The following FGF14 variants were observed in gnomAD, a reference collection of about 807,000 sequenced individuals.
FGF14 encodes fibroblast growth factor 14.
Under a neutral mutation model 25.5 loss-of-function variants are expected in FGF14, and 5 were observed. The observed-to-expected ratio is 0.20, with a 90% confidence interval of 0.10 to 0.41. The LOEUF (loss-of-function observed/expected upper bound fraction) is 0.41, where lower values mean the gene tolerates loss of function less well. Ranked by LOEUF, FGF14 falls within the 10% of genes least tolerant of loss-of-function variation. The pLI, the probability that FGF14 is intolerant of heterozygous loss-of-function variation, is 1.00. For synonymous variants in FGF14, 138 were observed against 118.3 expected (o/e 1.17, Z -1.08); for missense variants, 222 against 320.1 (o/e 0.69, Z 2.34).
intron 1 of FGF14, among the ~76,000 whole-genome samples, chr13:102,158,681 A>T (rs1037333666): frequency 7.9e-5 from 12 of 152,088 alleles, no homozygotes; most frequent in Non-Finnish European, 1.2e-4. Flanking sequence ...AAAAAAAAAA[A>T]TCTTTGAACT....
intron 1 of FGF14, among the ~76,000 whole-genome samples, chr13:101,905,282 G>T (rs1409004168): frequency 1.3e-5 from 2 of 152,086 alleles, no homozygotes; most frequent in African/African-American, 4.8e-5. Flanking sequence ...ATTCACAACA[G>T]CAAAGACTTG....
intron 3 of FGF14, among the ~76,000 whole-genome samples, chr13:101,845,555 A>G (rs1366873108): frequency 6.6e-6 from 1 of 152,038 alleles, no homozygotes; most frequent in African/African-American, 2.4e-5. Flanking sequence ...ACACAGAGAT[A>G]TGACAGTGAA....
chr13:102,330,832 T>C (rs570914922), intron 1 of FGF14, among the ~76,000 whole-genome samples: 2 of 152,284 alleles, frequency 1.3e-5, no homozygotes, highest in South Asian at 4.1e-4. Context: ...ACTATCTGTC[T>C]CCCCTCTACA....
At chr13:102,356,578 G>A (rs2057422829) in intron 1 of FGF14, among the ~76,000 whole-genome samples, 1 of 152,136 alleles carries the variant, frequency 6.6e-6, no homozygotes, top group Non-Finnish European at 1.5e-5. Flanking sequence ...ATTTGCTAAA[G>A]ATCTGATGGT....
At chr13:101,757,463 T>A (rs1016095323) in intron 3 of FGF14, among the ~76,000 whole-genome samples, 1 of 152,208 alleles carries the variant, frequency 6.6e-6, no homozygotes, top group African/African-American at 2.4e-5. Context: ...AGCTTGGTTT[T>A]AAATATTCCC....
chr13:101,744,360 TC>T (rs1248296206), intron 3 of FGF14, among the ~76,000 whole-genome samples: 65 of 152,218 alleles, frequency 4.3e-4, no homozygotes, highest in African/African-American at 1.4e-3. Flanking sequence ...AAGTCACAAT[TC>T]CTGACCTTCT....
chr13:102,072,420 G>A (rs9557798), intron 1 of FGF14, among the ~76,000 whole-genome samples: 55,843 of 151,918 alleles, frequency 0.37, 11,065 homozygotes, highest in East Asian at 0.69. Context: ...TCAGAATTAT[G>A]GGATTCATAA....
chr13:102,171,706 T>C (rs1261664617), intron 1 of FGF14, among the ~76,000 whole-genome samples: 1 of 152,102 alleles, frequency 6.6e-6, no homozygotes, highest in African/African-American at 2.4e-5. Flanking sequence ...ATTTGTTCTT[T>C]AATTGAAAAA....
intron 1 of FGF14, among the ~76,000 whole-genome samples, chr13:102,026,842 A>G (rs972039852): frequency 6.6e-6 from 1 of 152,026 alleles, no homozygotes; most frequent in Non-Finnish European, 1.5e-5. Flanking sequence ...AAGTGAGGAA[A>G]AAAGCTCCTC....
intron 1 of FGF14, among the ~76,000 whole-genome samples, chr13:102,278,627 A>T (rs1029473023): frequency 9.5e-5 from 14 of 147,460 alleles, no homozygotes; most frequent in East Asian, 6.0e-4. Context: ...CATTTTATGT[A>T]ATATATATAT....
Position 101,968,456 on chromosome 13 carries a change from GAGGTC to G in FGF14, c.209-93165_209-93161del, listed in dbSNP as rs552113667. On this transcript the variant is annotated intron_variant, in intron 1 of 4. Transcript: ENST00000376131. ...TGGGAGACCGAGGCAGGCGGATCAT[GAGGTC>G]AGGAGATCGAGACCATCCTGACTAA... is the stretch of plus-strand genomic sequence containing the variant. 2.8e-3 allele frequency among the ~76,000 whole-genome samples: 426 copies of G among 152,098 alleles called. 3 individuals are homozygous for G. Among genetic ancestry groups the G allele is most frequent in the Non-Finnish European group, 2.3e-3 (158 of 68,002 alleles).
chr13:101,813,373 TA>T (rs2041675055), intron 3 of FGF14, among the ~76,000 whole-genome samples: 1 of 152,116 alleles, frequency 6.6e-6, no homozygotes, highest in African/African-American at 2.4e-5. Context: ...GGGGCTCTAG[TA>T]AAAGGGCTTG....
In FGF14 at chr13:101,718,825, A is replaced by G. The variant is rs1276369791; in HGVS notation, c.*4006T>C. The stretch of plus-strand genomic sequence containing the variant: ...AATATAACTCAGCCTTAGTTTGCAG[A>G]CTCAACTGTCAACACTTTGAAACCC... On this transcript the variant is annotated 3_prime_UTR_variant, in exon 5 of 5. Coordinates refer to ENST00000376143, the MANE Select transcript of FGF14 (RefSeq NM_004115.4). The G allele has an allele frequency of 6.6e-6, 1 of 151,910 alleles. No homozygotes were observed. The highest frequency in any genetic ancestry group is 1.9e-4 in the East Asian group (1 of 5,162). 9.4% of individuals were successfully genotyped at this position (151,910 alleles called of 1,614,324 possible). A position where few individuals can be genotyped will look rare whatever the true frequency, so the allele number is the denominator to read the frequency against.
intron 1 of FGF14, among the ~76,000 whole-genome samples, chr13:102,126,727 C>A (rs1266757222): frequency 6.6e-6 from 1 of 152,038 alleles, no homozygotes; most frequent in Non-Finnish European, 1.5e-5. Context: ...AATAAAAGTA[C>A]CTAACTCTTA....
intron 1 of FGF14, among the ~76,000 whole-genome samples, chr13:102,163,586 G>A (rs900261837): frequency 6.6e-6 from 1 of 152,106 alleles, no homozygotes; most frequent in Admixed American, 6.6e-5. Flanking sequence ...GAAATCTCTG[G>A]GGGGTTCTCA....
chr13:102,401,342 A>T, intron 1 of FGF14: 1 of 852,436 alleles, frequency 1.2e-6, no homozygotes, highest in African/African-American at 1.7e-5. Context: ...ACACCTCTAT[A>T]TGCAACACTG....
intron 1 of FGF14, among the ~76,000 whole-genome samples, chr13:102,101,829 T>C (rs1238567010): frequency 6.6e-6 from 1 of 152,142 alleles, no homozygotes; most frequent in Non-Finnish European, 1.5e-5. Context: ...CTCAGCTTCC[T>C]GAGTAGCTGG....
At chr13:102,153,688 T>C (rs1292870721) in intron 1 of FGF14, among the ~76,000 whole-genome samples, 1 of 152,200 alleles carries the variant, frequency 6.6e-6, no homozygotes, top group East Asian at 1.9e-4. Flanking sequence ...ATTATTTTTC[T>C]TCTTCAGTTC....
intron 1 of FGF14, among the ~76,000 whole-genome samples, chr13:101,993,344 G>A (rs1482422955): frequency 2.0e-5 from 3 of 152,156 alleles, no homozygotes; most frequent in African/African-American, 7.2e-5. Flanking sequence ...TGCAAGACAT[G>A]TTAAACAAAG....
Sources: allele counts gnomAD v4.1 joint callset (sites outside exome capture counted in the v4.1 genomes callset), GRCh38; gene constraint gnomAD v4.1.1; transcripts MANE v1.5; gene names NCBI Gene and HGNC (gene_info 2026-07-23, HGNC 2026-07-21).